The following HSD11B1 variants were observed in gnomAD, a reference collection of about 807,000 sequenced individuals.
HSD11B1 encodes hydroxysteroid 11-beta dehydrogenase 1, also known as 11-beta-hydroxysteroid dehydrogenase 1.
HSD11B1 carries 15 observed loss-of-function variants against 22.1 expected under a neutral mutation model. The observed-to-expected ratio is 0.68, with a 90% CI of 0.45 to 1.04. The LOEUF (loss-of-function observed/expected upper bound fraction) is 1.04. Among genes scored for constraint, HSD11B1 ranks in the 50% least tolerant of loss-of-function variants. The pLI, the probability that HSD11B1 is intolerant of heterozygous loss-of-function variation, is 0.00. For missense variants in HSD11B1, 281 were observed against 357.6 expected (o/e 0.79, Z 1.73); for synonymous variants, 122 against 125.2 (o/e 0.97, Z 0.17).
intron 1 of HSD11B1, among the ~76,000 whole-genome samples, chr1:209,687,255 A>G (rs1192285290): frequency 6.6e-6 from 1 of 152,210 alleles, no homozygotes; most frequent in Non-Finnish European, 1.5e-5. Context: ...GCTTACCAGT[A>G]TCAGAGGGAC....
intron 1 of HSD11B1, among the ~76,000 whole-genome samples, chr1:209,687,109 T>C (rs2076733072): frequency 6.6e-6 from 1 of 152,256 alleles, no homozygotes; most frequent in African/African-American, 2.4e-5. Context: ...CAGAGGGTTG[T>C]GGCTTAGTGA....
At chr1:209,717,616 G>A (rs2076937916) in intron 4 of HSD11B1, among the ~76,000 whole-genome samples, 1 of 152,162 alleles carries the variant, frequency 6.6e-6, no homozygotes, top group South Asian at 2.1e-4. Context: ...AGCACTTTGG[G>A]AGGCCAAGGT....
chr1:209,705,833 G>C lies in HSD11B1; in HGVS notation c.111G>C (p.Val37=). Residue 37 remains valine, a synonymous_variant, in exon 2 of 6, where the codon GTG becomes GTC. Transcript: ENST00000367027. The part of the protein sequence containing the change: ...FRPEMLQGKK[V]IVTGASKGIG... Reference sequence around the variant, plus strand: ...CAGAGATGCTCCAAGGAAAGAAAGTGATTGTCACAGGGGCCAGCAAAGGGA... The same window carrying C: ...CAGAGATGCTCCAAGGAAAGAAAGTCATTGTCACAGGGGCCAGCAAAGGGA... 6.2e-7 allele frequency: 1 copy of C among 1,613,964 alleles called. No individual in the cohort carries two copies. The highest frequency in any genetic ancestry group is 8.5e-7 in the Non-Finnish European group (1 of 1,179,882).
Position 209,734,422 on chromosome 1 carries a change from C to G in HSD11B1, c.780C>G (p.Ser260Arg). Residue 260 changes from serine (S) to arginine (R), a missense_variant, in exon 6 of 6, where the codon AGC (serine) becomes AGG (arginine). Transcript: ENST00000367027. ...GCCAAGAAGAAGTGTATTATGACAG[C>G]TCACTCTGGACCACTCTTCTGATCA... is the stretch of plus-strand genomic sequence containing the variant. ...ALRQEEVYYD[S>R]SLWTTLLIRN... The G allele has an allele frequency of 1.2e-6, 2 of 1,614,106 alleles. No individual in the cohort carries two copies. The highest frequency in any genetic ancestry group is 1.7e-6 in the Non-Finnish European group (2 of 1,179,966).
chr1:209,686,872 C>T (rs1359204287), intron 1 of HSD11B1, among the ~76,000 whole-genome samples: 5 of 152,174 alleles, frequency 3.3e-5, no homozygotes, highest in African/African-American at 9.6e-5. Context: ...GAGGCCTAAA[C>T]GTGTCCATCA....
chr1:209,726,274 C>T (rs368987923), intron 4 of HSD11B1, among the ~76,000 whole-genome samples: 847 of 37,060 alleles, frequency 0.023, 12 homozygotes, highest in African/African-American at 0.077. Flanking sequence ...AATGAGACTC[C>T]GTAAAAAAAA....
chr1:209,693,123 A>G (rs1430400533), intron 1 of HSD11B1, among the ~76,000 whole-genome samples: 4 of 152,178 alleles, frequency 2.6e-5, no homozygotes, highest in African/African-American at 9.7e-5. Context: ...TAAAATTCTT[A>G]GCATCCTAAA....
intron 4 of HSD11B1, chr1:209,724,128 C>T (rs1475025460): frequency 6.6e-6 from 1 of 152,268 alleles, no homozygotes; most frequent in African/African-American, 2.4e-5. Context: ...AGAGTGTGGG[C>T]TGGATTTCAG....
At chr1:209,697,434 T>G (rs1479750416) in intron 1 of HSD11B1, among the ~76,000 whole-genome samples, 2 of 152,212 alleles carry the variant, frequency 1.3e-5, no homozygotes, top group Admixed American at 6.5e-5. Flanking sequence ...CCGTCCCACA[T>G]GTAGAATGGG....
Position 209,706,071 on chromosome 1 carries a change from CTT to C in HSD11B1, c.219+131_219+132del. ...AGAGGCACATGCACACACACAGACACTTAATTTTGCACTCTCATATATAGATT... is the reference window on the plus strand; with the variant it reads ...AGAGGCACATGCACACACACAGACACAATTTTGCACTCTCATATATAGATT... On this transcript the variant is annotated intron_variant, in intron 2 of 5. Transcript: ENST00000367027. This position sits in a 1 kb window ranked among gnomAD's most constrained non-coding sequence, Gnocchi z 4.0. The C allele has an allele frequency of 8.4e-7, 1 of 1,194,882 alleles. No homozygotes were observed. The highest frequency in any genetic ancestry group is 1.5e-5 in the African/African-American group (1 of 66,634). 74.0% of individuals were successfully genotyped at this position (1,194,882 alleles called of 1,614,324 possible). A position where few individuals can be genotyped will look rare whatever the true frequency, so the allele number is the denominator to read the frequency against.
intron 1 of HSD11B1, among the ~76,000 whole-genome samples, chr1:209,693,315 T>G (rs977273644): frequency 6.6e-6 from 1 of 152,108 alleles, no homozygotes; most frequent in Non-Finnish European, 1.5e-5. Flanking sequence ...GAAATGAAAA[T>G]GAAAGGTATA....
chr1:209,734,235 G>A (rs2077053208), intron 5 of HSD11B1, 69 bp from the exon 6 acceptor site: 3 of 1,259,326 alleles, frequency 2.4e-6, no homozygotes, highest in Non-Finnish European at 3.4e-6. Flanking sequence ...AGTGGTTGAT[G>A]TCTCCAGGCC....
chr1:209,704,690 T>C (rs887953640), upstream of HSD11B1, among the ~76,000 whole-genome samples: 1 of 152,206 alleles, frequency 6.6e-6, no homozygotes, highest in African/African-American at 2.4e-5. Flanking sequence ...AAGTCTCCTC[T>C]TGCTCAATGA....
chr1:209,723,018 T>C (rs1055348931), intron 4 of HSD11B1, among the ~76,000 whole-genome samples: 13 of 152,224 alleles, frequency 8.5e-5, no homozygotes, highest in African/African-American at 3.1e-4. Context: ...TCTCTGGCTC[T>C]TGCTGTTTCT....
Position 209,688,537 on chromosome 1 carries a change from AT to A in HSD11B1, c.-49+2259del, listed in dbSNP as rs985877436. 5.7e-3 allele frequency among the ~76,000 whole-genome samples: 869 copies of A among 152,278 alleles called. 10 individuals are homozygous for A. The highest frequency in any genetic ancestry group is 0.02 in the African/African-American group (843 of 41,566). ...AGAGATGTATTAGTGCTCAGTAAGTATTTTTTTAAATGGACGAACAAATGGA... is the reference window on the plus strand; with the variant it reads ...AGAGATGTATTAGTGCTCAGTAAGTATTTTTTAAATGGACGAACAAATGGA... On this transcript the variant is annotated intron_variant, in intron 1 of 6. Coordinates refer to the HSD11B1 transcript ENST00000261465.
In HSD11B1 at chr1:209,727,229, G is replaced by A. The variant is rs1421446922; in HGVS notation, c.518-5207G>A. On this transcript the variant is annotated intron_variant, in intron 4 of 5. Coordinates refer to ENST00000367027, the MANE Select transcript of HSD11B1 (RefSeq NM_005525.4). ...CTCCAACTGCCAGCAGACATTAGAA[G>A]CTAGAAGAGAAAAAAGAAGGATTCC... 2.0e-5 allele frequency among the ~76,000 whole-genome samples: 3 copies of A among 152,204 alleles called. No individual in the cohort carries two copies. In the East Asian group the frequency reaches 5.8e-4, roughly 29 times the overall value.
At chr1:209,712,779 A>C (rs2076905977) in intron 4 of HSD11B1, among the ~76,000 whole-genome samples, 1 of 152,188 alleles carries the variant, frequency 6.6e-6, no homozygotes, top group Non-Finnish European at 1.5e-5. Flanking sequence ...GGCCAGGCGC[A>C]GTGGTTTACG....
rs778868957 is a variant in HSD11B1, at chr1:209,734,447, A to G, written c.805A>G (p.Arg269Gly). ...DSSLWTTLLI[R>G]NPCRKILEFL... ...CTCACTCTGGACCACTCTTCTGATC[A>G]GAAATCCATGCAGGAAGATCCTGGA... Residue 269 changes from arginine to glycine, a missense_variant, in exon 6 of 6, where the codon AGA (arginine) becomes GGA (glycine). Arg to Gly is a moderately radical substitution (Grantham distance 125, BLOSUM62 -2). Transcript: ENST00000367027. The G allele has an allele frequency of 6.2e-7, 1 of 1,614,178 alleles. No homozygotes were observed. Among genetic ancestry groups the G allele is most frequent in the South Asian group, 1.1e-5 (1 of 91,082 alleles).
chr1:209,725,088 C>A (rs1015581710), intron 4 of HSD11B1, among the ~76,000 whole-genome samples: 1 of 152,142 alleles, frequency 6.6e-6, no homozygotes, highest in Non-Finnish European at 1.5e-5. Flanking sequence ...TCAGTATGAA[C>A]TTTCCAATAT....
Sources: gnomAD v4.1 joint callset for allele counts (sites outside exome capture counted in the v4.1 genomes callset) on GRCh38, gnomAD v4.1.1 for gene constraint, Gnocchi (gnomAD v3.1) non-coding constraint, MANE v1.5 for transcripts, NCBI Gene and HGNC (gene_info 2026-07-23, HGNC 2026-07-21) for gene names.